The following ENOX1 variants were observed in gnomAD, a reference collection of about 807,000 sequenced individuals.
ENOX1 encodes the protein ecto-NOX disulfide-thiol exchanger 1, also known as candidate growth-related and time keeping constitutive hydroquinone (NADH) oxidase.
ENOX1 carries 42 observed loss-of-function variants against 82.5 expected under a neutral mutation model. The observed-to-expected ratio is 0.51, with a 90% CI of 0.40 to 0.66. The LOEUF (loss-of-function observed/expected upper bound fraction) is 0.66. Ranked by LOEUF, ENOX1 falls within the 30% of genes least tolerant of loss-of-function variation. The pLI is 0.00. For missense variants in ENOX1, 608 were observed against 811.6 expected, an observed-to-expected ratio of 0.75 and a Z score of 3.05; for synonymous variants, 271 against 282.2, an observed-to-expected ratio of 0.96 and a Z score of 0.40.
chr13:43,777,091 TC>T (rs748538898), intron 1 of ENOX1, among the ~76,000 whole-genome samples: 8 of 152,224 alleles, frequency 5.3e-5, no homozygotes, highest in Non-Finnish European at 8.8e-5. Flanking sequence ...TTAAAAAGGT[TC>T]GCTTGTTGCC....
At chr13:43,344,388 G>C in intron 9 of ENOX1, 150 bp downstream of exon 9, 2 of 686,878 alleles carry the variant, frequency 2.9e-6, no homozygotes, top group Non-Finnish European at 4.9e-6. Flanking sequence ...AGTTGCCACA[G>C]AACATGAAAT....
At chr13:43,766,920 A>G (rs1240169684) in intron 1 of ENOX1, among the ~76,000 whole-genome samples, 1 of 152,004 alleles carries the variant, frequency 6.6e-6, no homozygotes, top group East Asian at 1.9e-4. Flanking sequence ...GCTCACCCAA[A>G]GAGATTCACG....
intron 5 of ENOX1, among the ~76,000 whole-genome samples, chr13:43,386,375 G>T (rs948809560): frequency 2.0e-5 from 3 of 152,168 alleles, no homozygotes; most frequent in African/African-American, 7.2e-5. Context: ...GAATGGACAG[G>T]TCTATGGGAA....
chr13:43,414,873 CATGACT>C (rs2054349300), intron 3 of ENOX1, among the ~76,000 whole-genome samples: 2 of 152,306 alleles, frequency 1.3e-5, no homozygotes, highest in South Asian at 4.1e-4. Context: ...TTTGTAGGCT[CATGACT>C]TGTGCCTGAC....
At chr13:43,735,645 C>G (rs1240186370) in intron 1 of ENOX1, among the ~76,000 whole-genome samples, 6 of 151,978 alleles carry the variant, frequency 3.9e-5, no homozygotes, top group African/African-American at 9.7e-5. Flanking sequence ...TGCTTGAATC[C>G]AGGAGGTGGA....
chr13:43,231,770 CT>C (rs1250095465), intron 15 of ENOX1, among the ~76,000 whole-genome samples: 4 of 152,182 alleles, frequency 2.6e-5, no homozygotes, highest in African/African-American at 9.7e-5. Flanking sequence ...TGCATTCTTT[CT>C]CATTATCTAT....
chr13:43,754,610 G>A (rs987056551), intron 1 of ENOX1, among the ~76,000 whole-genome samples: 1 of 150,544 alleles, frequency 6.6e-6, no homozygotes, highest in Admixed American at 6.6e-5. Context: ...TTAGAGACAG[G>A]TTCTTCCTCT....
chr13:43,599,928 C>T (rs1403669124), intron 2 of ENOX1, among the ~76,000 whole-genome samples: 1 of 151,880 alleles, frequency 6.6e-6, no homozygotes, highest in East Asian at 2.0e-4. Flanking sequence ...CATTTCTAGA[C>T]ACATTCTGGG....
At chr13:43,232,009 T>C (rs2042306505) in intron 15 of ENOX1, among the ~76,000 whole-genome samples, 2 of 152,028 alleles carry the variant, frequency 1.3e-5, no homozygotes, top group Non-Finnish European at 2.9e-5. Context: ...CACTGCAGCC[T>C]GATGCTCGTG....
At chr13:43,300,130 C>T (rs1012987504) in intron 11 of ENOX1, among the ~76,000 whole-genome samples, 1 of 152,158 alleles carries the variant, frequency 6.6e-6, no homozygotes, top group Non-Finnish European at 1.5e-5. Flanking sequence ...AGAAATTTCC[C>T]TACCTCAAGC....
At chr13:43,347,712 G>A (rs2153548270) in intron 8 of ENOX1, among the ~76,000 whole-genome samples, 1 of 152,276 alleles carries the variant, frequency 6.6e-6, no homozygotes, top group Middle Eastern at 3.4e-3. Context: ...CATTATTAAA[G>A]CTATTCATGT....
chr13:43,292,520 C>T (rs534617045), intron 12 of ENOX1, among the ~76,000 whole-genome samples: 19 of 152,100 alleles, frequency 1.2e-4, no homozygotes, highest in Non-Finnish European at 2.2e-4. Context: ...GCCTGCAGCC[C>T]TGCATTTGCT....
At chr13:43,252,515 C>A (rs1269649238) in intron 14 of ENOX1, among the ~76,000 whole-genome samples, 2 of 152,182 alleles carry the variant, frequency 1.3e-5, no homozygotes, top group Non-Finnish European at 2.9e-5. Context: ...CTCTTGCTGT[C>A]TTTCGATAAA....
chr13:43,426,096 C>G (rs1406036864), intron 3 of ENOX1, among the ~76,000 whole-genome samples: 1 of 152,196 alleles, frequency 6.6e-6, no homozygotes, highest in African/African-American at 2.4e-5. Flanking sequence ...GGCACTGTCT[C>G]CTTCCTGCCT....
chr13:43,477,091 T>C (rs1290798262), intron 3 of ENOX1, among the ~76,000 whole-genome samples: 1 of 151,672 alleles, frequency 6.6e-6, no homozygotes, highest in Non-Finnish European at 1.5e-5. Context: ...CAAAGGTATA[T>C]ATTCAGTATG....
intron 11 of ENOX1, chr13:43,321,207 A>T (rs935860348): frequency 2.0e-5 from 9 of 453,840 alleles, no homozygotes; most frequent in Non-Finnish European, 3.5e-5. Flanking sequence ...TAAATCACAG[A>T]TTGCTGGACT....
intron 11 of ENOX1, among the ~76,000 whole-genome samples, chr13:43,303,421 T>C (rs930251165): frequency 4.6e-5 from 7 of 152,228 alleles, no homozygotes; most frequent in African/African-American, 1.7e-4. Context: ...GCAGAGACAT[T>C]ATCACGCTGT....
intron 5 of ENOX1, among the ~76,000 whole-genome samples, chr13:43,385,312 C>T (rs984805832): frequency 6.6e-6 from 1 of 151,804 alleles, no homozygotes; most frequent in Admixed American, 6.6e-5. Context: ...AACACAACAG[C>T]CTAAATCAAT....
chr13:43,379,735 A>T (rs1332928523), intron 5 of ENOX1, among the ~76,000 whole-genome samples: 1 of 152,034 alleles, frequency 6.6e-6, no homozygotes, highest in Non-Finnish European at 1.5e-5. Flanking sequence ...TGGGGCAAGA[A>T]CAAATATTTG....
Sources: gnomAD v4.1 joint callset for allele counts (sites outside exome capture counted in the v4.1 genomes callset) on GRCh38, gnomAD v4.1.1 for gene constraint, MANE v1.5 for transcripts, NCBI Gene and HGNC (gene_info 2026-07-23, HGNC 2026-07-21) for gene names.